The following CUBN variants were observed in gnomAD, a reference collection of about 807,000 sequenced individuals.
The protein encoded by CUBN is 460 kDa receptor.
Under a neutral mutation model 405.3 loss-of-function variants are expected in CUBN, and 282 were observed. That is an observed-to-expected ratio of 0.70 (90% CI 0.63 to 0.77). CUBN has a LOEUF of 0.77. CUBN is among the 30% of genes least tolerant of loss of function. CUBN has a pLI of 0.00. For missense variants in CUBN, 4,514 were observed against 4,475.2 expected (o/e 1.01, Z -0.25); for synonymous variants, 1,684 against 1,617.0 (o/e 1.04, Z -0.99).
intron 28 of CUBN, 60 bp from the exon 29 acceptor site, chr10:16,990,575 C>T: frequency 6.8e-7 from 1 of 1,465,982 alleles, no homozygotes; most frequent in Non-Finnish European, 9.5e-7. Flanking sequence ...GAAAATAATT[C>T]CAAATTCAAC....
intron 11 of CUBN, among the ~76,000 whole-genome samples, chr10:17,104,955 C>T (rs929871420): frequency 6.6e-6 from 1 of 151,174 alleles, no homozygotes; most frequent in Non-Finnish European, 1.5e-5. Context: ...ATTACAGGCA[C>T]GCGCCACCAC....
intron 36 of CUBN, among the ~76,000 whole-genome samples, chr10:16,946,036 A>T (rs1842769564): frequency 6.6e-6 from 1 of 152,234 alleles, no homozygotes; most frequent in Non-Finnish European, 1.5e-5. Flanking sequence ...ACTTTTAAAT[A>T]AACAGGACAG....
At chr10:16,890,676 T>G in intron 54 of CUBN, 149 bp from the exon 55 acceptor site, 1 of 836,194 alleles carries the variant, frequency 1.2e-6, no homozygotes, top group African/African-American at 1.7e-5. Context: ...TATTTTCTTT[T>G]GAGAATAATT....
chr10:16,871,406 T>C (rs1483280485), intron 58 of CUBN, among the ~76,000 whole-genome samples: 1 of 149,580 alleles, frequency 6.7e-6, no homozygotes, highest in Non-Finnish European at 1.5e-5. Flanking sequence ...ATTTTGAAAA[T>C]ATAGACTAAA....
intron 50 of CUBN, among the ~76,000 whole-genome samples, chr10:16,905,614 G>A (rs1389903145): frequency 1.3e-5 from 2 of 152,060 alleles, no homozygotes; most frequent in Non-Finnish European, 2.9e-5. Context: ...CTCTCGCTTC[G>A]GCAAAAGTCA....
chr10:17,100,239 C>T lies in CUBN; in HGVS notation c.1531G>A (p.Val511Ile). ...AAAAAAGTGAAAGTGATACGCAGGA[C>T]CTAAAAATACAAAGGCCACATATAT... Reference protein sequence around the residue: ...FWVIKTEMGKVLRITFTFFRL... With the variant: ...FWVIKTEMGKILRITFTFFRL... The change falls in exon 14 of 67, where the codon GTC (valine) becomes ATC (isoleucine). Residue 511 changes from valine to isoleucine, a missense_variant and splice_region_variant. By Grantham distance (29) the Val-to-Ile change is conservative (BLOSUM62 3). Coordinates refer to ENST00000377833, the MANE Select transcript of CUBN (RefSeq NM_001081.4). The T allele has an allele frequency of 1.3e-6, 2 of 1,582,816 alleles. No homozygotes were observed. Among genetic ancestry groups the T allele is most frequent in the Non-Finnish European group, 1.7e-6 (2 of 1,151,952 alleles).
chr10:16,981,492 T>A (rs1833271798), intron 31 of CUBN, among the ~76,000 whole-genome samples: 1 of 152,152 alleles, frequency 6.6e-6, no homozygotes, highest in Admixed American at 6.5e-5. Context: ...TCCACTGAGC[T>A]GGTTAACACT....
Position 17,087,010 on chromosome 10 carries a change from G to A in CUBN, c.1947+1154C>T, listed in dbSNP as rs560677918. ...GACCATTTTGCAGAAATTTTCCAGA[G>A]AGAGACAGATCTTCCAGTCATTCCC... On this transcript the variant is annotated intron_variant, in intron 15 of 66. Transcript: ENST00000377833. Among the ~76,000 whole-genome samples the A allele has an allele frequency of 2.4e-4, 37 of 152,318 alleles. 1 individual carries two copies. The South Asian group carries it at 5.0e-3, about 20-fold the overall frequency.
intron 6 of CUBN, chr10:17,121,955 T>C (rs1489390775): frequency 6.6e-6 from 1 of 152,212 alleles, no homozygotes; most frequent in African/African-American, 2.4e-5. Context: ...AGCCAAACTA[T>C]AAGGAAAGAC....
intron 27 of CUBN, among the ~76,000 whole-genome samples, chr10:17,034,152 C>T (rs1015032845): frequency 3.9e-5 from 6 of 151,920 alleles, no homozygotes; most frequent in Non-Finnish European, 7.4e-5. Context: ...CACACTATCA[C>T]GAGGACTTGA....
intron 36 of CUBN, among the ~76,000 whole-genome samples, chr10:16,943,147 G>A (rs770815362): frequency 1.3e-5 from 2 of 152,166 alleles, no homozygotes; most frequent in Non-Finnish European, 2.9e-5. Context: ...CCAGACCACA[G>A]GGGTGAAGTA....
chr10:16,874,206 G>C (rs1393275056), intron 58 of CUBN, among the ~76,000 whole-genome samples, 168 bp downstream of exon 58: 1 of 152,096 alleles, frequency 6.6e-6, no homozygotes, highest in African/African-American at 2.4e-5. Context: ...TGTGGAGAGG[G>C]GGAGCGTCAT....
intron 45 of CUBN, among the ~76,000 whole-genome samples, chr10:16,917,229 G>C (rs749860572): frequency 2.6e-5 from 4 of 152,088 alleles, no homozygotes; most frequent in Non-Finnish European, 5.9e-5. Flanking sequence ...AGAGTTACCT[G>C]GTTCTTAAAT....
Position 16,825,091 on chromosome 10 carries a change from GA to G in CUBN, c.10765-10del, listed in dbSNP as rs199737327. On this transcript the variant is annotated splice_polypyrimidine_tract_variant and intron_variant, in intron 66 of 66. Coordinates refer to ENST00000377833, the MANE Select transcript of CUBN (RefSeq NM_001081.4). Reference sequence around the variant, plus strand: ...GGAGCTATGCTGGTGTCCTAAAATTGAAAAAAAAAGTATCCAATTATATATT... The same window carrying G: ...GGAGCTATGCTGGTGTCCTAAAATTGAAAAAAAAGTATCCAATTATATATT... 1.9e-4 allele frequency: 299 copies of G among 1,553,438 alleles called. No individual in the cohort carries two copies. The highest frequency in any genetic ancestry group is 2.5e-4 in the East Asian group (11 of 44,150).
chr10:17,096,208 T>A (rs1178737202), intron 14 of CUBN, among the ~76,000 whole-genome samples: 1 of 152,142 alleles, frequency 6.6e-6, no homozygotes, highest in Non-Finnish European at 1.5e-5. Flanking sequence ...TCTAGAGATC[T>A]AATGTACAGC....
intron 59 of CUBN, among the ~76,000 whole-genome samples, chr10:16,860,021 T>A (rs1288229374): frequency 6.6e-6 from 1 of 152,024 alleles, no homozygotes; most frequent in African/African-American, 2.4e-5. Context: ...AATACTGTAA[T>A]CTCTAAGGTA....
intron 59 of CUBN, among the ~76,000 whole-genome samples, chr10:16,857,323 C>T (rs966121487): frequency 1.3e-5 from 2 of 151,988 alleles, no homozygotes; most frequent in African/African-American, 4.8e-5. Flanking sequence ...AATCATAAAA[C>T]TAAAAGAATG....
At chr10:17,049,726 C>T (rs547901872) in intron 22 of CUBN, among the ~76,000 whole-genome samples, 1 of 152,296 alleles carries the variant, frequency 6.6e-6, no homozygotes, top group South Asian at 2.1e-4. Flanking sequence ...TAACCCGCCA[C>T]CCAACAACCC....
chr10:16,976,240 GAAATTAC>G (rs1833089566), intron 31 of CUBN, among the ~76,000 whole-genome samples: 1 of 152,090 alleles, frequency 6.6e-6, no homozygotes, highest in South Asian at 2.1e-4. Context: ...CCAAAGTGCT[GAAATTAC>G]AGGTGTGATC....
Sources: allele counts gnomAD v4.1 joint callset (sites outside exome capture counted in the v4.1 genomes callset), GRCh38; gene constraint gnomAD v4.1.1; transcripts MANE v1.5; gene names NCBI Gene and HGNC (gene_info 2026-07-23, HGNC 2026-07-21).